Variants in GALNTL6 observed in about 807,000 individuals in gnomAD.
The protein encoded by GALNTL6 is polypeptide N-acetylgalactosaminyltransferase like 6.
In GALNTL6, 46 loss-of-function variants were observed where a neutral mutation model predicts 73.7. That is an observed-to-expected ratio of 0.62 (90% CI 0.49 to 0.80). The LOEUF is 0.80. GALNTL6 is among the 30% of genes least tolerant of loss of function. The pLI is 0.00. For synonymous variants in GALNTL6, 259 were observed against 263.7 expected (o/e 0.98, Z 0.17); for missense variants, 604 against 755.0 (o/e 0.80, Z 2.34).
intron 5 of GALNTL6, among the ~76,000 whole-genome samples, chr4:172,790,542 C>A (rs1191281212): frequency 1.3e-5 from 2 of 152,128 alleles, no homozygotes; most frequent in Admixed American, 6.5e-5. Context: ...GTTTACAGAA[C>A]TATGAGAAAT....
At chr4:172,827,571 A>G (rs1211662319) in intron 7 of GALNTL6, among the ~76,000 whole-genome samples, 2 of 152,092 alleles carry the variant, frequency 1.3e-5, no homozygotes, top group Admixed American at 6.6e-5. Flanking sequence ...ACCCACCACA[A>G]TCCATTAGAA....
intron 7 of GALNTL6, among the ~76,000 whole-genome samples, chr4:172,849,510 G>T (rs983382460): frequency 8.5e-5 from 13 of 152,170 alleles, no homozygotes; most frequent in Admixed American, 7.9e-4. Context: ...ATGAATGGGA[G>T]AGTAGATGGA....
At chr4:172,783,767 T>C (rs1164296522) in intron 5 of GALNTL6, among the ~76,000 whole-genome samples, 1 of 152,020 alleles carries the variant, frequency 6.6e-6, no homozygotes, top group Non-Finnish European at 1.5e-5. Flanking sequence ...ATAAGCCCTG[T>C]TCAGCATGTT....
At chr4:171,919,739 T>A (rs1389726023) in intron 2 of GALNTL6, among the ~76,000 whole-genome samples, 3 of 152,040 alleles carry the variant, frequency 2.0e-5, no homozygotes, top group African/African-American at 7.2e-5. Flanking sequence ...GGTAGGGCGC[T>A]CAGCAGAGAA....
rs368130579 is a variant in GALNTL6 at position 172,146,865 on chromosome 4, T to A, written c.139-82791T>A. ...AGTAAAAGGGGATCTATGTTATTAA[T>A]CAATAAGCACATATTAGCTACAATC... On this transcript the variant is annotated intron_variant, in intron 2 of 12. Coordinates refer to ENST00000506823, the MANE Select transcript of GALNTL6 (RefSeq NM_001034845.3). Among the ~76,000 whole-genome samples, 506 of 152,310 alleles carry A rather than the reference T, an allele frequency of 3.3e-3. 3 individuals are homozygous for A. The highest frequency in any genetic ancestry group is 0.012 in the African/African-American group (480 of 41,562).
At chr4:172,141,878 C>T (rs1043662296) in intron 2 of GALNTL6, among the ~76,000 whole-genome samples, 23 of 112,416 alleles carry the variant, frequency 2.0e-4, no homozygotes, top group Admixed American at 2.0e-3. Flanking sequence ...CAAGAACACA[C>T]ACAAACACAC....
At chr4:173,018,704 C>T (rs538189848) in intron 11 of GALNTL6, among the ~76,000 whole-genome samples, 4 of 152,232 alleles carry the variant, frequency 2.6e-5, no homozygotes, top group East Asian at 3.9e-4. Flanking sequence ...GAGGGATTTA[C>T]GTGAACACGG....
At chr4:172,195,053 A>G (rs2110887628) in intron 2 of GALNTL6, among the ~76,000 whole-genome samples, 1 of 152,290 alleles carries the variant, frequency 6.6e-6, no homozygotes. Context: ...TAAGAGACCC[A>G]TCTCACGTGC....
At chr4:172,601,163 A>T in intron 5 of GALNTL6, among the ~76,000 whole-genome samples, 1 of 152,186 alleles carries the variant, frequency 6.6e-6, no homozygotes, top group East Asian at 1.9e-4. Flanking sequence ...AAATATTTGA[A>T]ATAAAAACTC....
chr4:172,495,960 G>A (rs1214323555), intron 5 of GALNTL6, among the ~76,000 whole-genome samples: 1 of 152,162 alleles, frequency 6.6e-6, no homozygotes, highest in Non-Finnish European at 1.5e-5. Flanking sequence ...AACACTCTGA[G>A]AACCTCAAAG....
At chr4:172,242,895 G>T (rs978707282) in intron 3 of GALNTL6, among the ~76,000 whole-genome samples, 6 of 152,218 alleles carry the variant, frequency 3.9e-5, no homozygotes, top group Admixed American at 3.3e-4. Flanking sequence ...ATTTCAATAA[G>T]TCTCTTAACT....
At chr4:172,995,180 C>T (rs907984346) in intron 10 of GALNTL6, among the ~76,000 whole-genome samples, 1 of 152,030 alleles carries the variant, frequency 6.6e-6, no homozygotes, top group Non-Finnish European at 1.5e-5. Context: ...TGTTTATATT[C>T]ATAAAATAGC....
intron 5 of GALNTL6, among the ~76,000 whole-genome samples, chr4:172,661,549 C>G (rs1731378204): frequency 6.6e-6 from 1 of 152,132 alleles, no homozygotes; most frequent in Non-Finnish European, 1.5e-5. Context: ...ATAGTTACTG[C>G]TTAATTTTAA....
At chr4:173,022,199 G>GGAAA (rs1370511563) in intron 12 of GALNTL6, among the ~76,000 whole-genome samples, 1 of 127,742 alleles carries the variant, frequency 7.8e-6, no homozygotes, top group East Asian at 2.0e-4. Flanking sequence ...GAGGAAGGAA[G>GGAAA]GAAGGAAGGA....
At chr4:172,137,673 G>C (rs1010606779) in intron 2 of GALNTL6, among the ~76,000 whole-genome samples, 1 of 152,210 alleles carries the variant, frequency 6.6e-6, no homozygotes, top group East Asian at 1.9e-4. Flanking sequence ...ACAGATGAAG[G>C]GTAGGTAAGA....
chr4:172,312,761 T>C (rs1011978296), intron 4 of GALNTL6, among the ~76,000 whole-genome samples: 13 of 152,220 alleles, frequency 8.5e-5, no homozygotes, highest in Non-Finnish European at 1.8e-4. Flanking sequence ...TGAAGGACTA[T>C]TTTCTAGTTG....
intron 8 of GALNTL6, among the ~76,000 whole-genome samples, chr4:172,929,561 C>T (rs569348017): frequency 6.6e-6 from 1 of 152,200 alleles, no homozygotes; most frequent in African/African-American, 2.4e-5. Flanking sequence ...TGGCAGAATT[C>T]CTTCTTGCTC....
At chr4:172,226,534 AT>A (rs36156796) in intron 2 of GALNTL6, among the ~76,000 whole-genome samples, 10 of 150,326 alleles carry the variant, frequency 6.7e-5, no homozygotes, top group Non-Finnish European at 1.2e-4. Context: ...TCATTTCAAT[AT>A]TTTTTTTAAA....
chr4:172,809,796 G>T lies in GALNTL6; in HGVS notation c.739+250G>T, dbSNP rs1579510903. On this transcript the variant is annotated intron_variant, in intron 6 of 12. Transcript: ENST00000506823. This position sits in a 1 kb window ranked among gnomAD's most constrained non-coding sequence, Gnocchi z 4.4. ...TCAATCTAACTTACAGTTTAGAAAA[G>T]GTTTCATTTATCTTAGATATCCTCC... 6.6e-6 allele frequency among the ~76,000 whole-genome samples: 1 copy of T among 152,024 alleles called. No homozygotes were observed. Among genetic ancestry groups the T allele is most frequent in the East Asian group, 1.9e-4 (1 of 5,188 alleles).
Sources: allele counts gnomAD v4.1 joint callset (sites outside exome capture counted in the v4.1 genomes callset), GRCh38; gene constraint gnomAD v4.1.1; non-coding constraint Gnocchi (gnomAD v3.1); transcripts MANE v1.5; gene names NCBI Gene and HGNC (gene_info 2026-07-23, HGNC 2026-07-21).